Variants in WDR20 observed in about 807,000 individuals in gnomAD.
The protein encoded by WDR20 is WD repeat-containing protein 20.
WDR20 carries 3 observed loss-of-function variants against 38.7 expected under a neutral mutation model. The ratio of observed to expected loss-of-function variants is 0.08; its 90% confidence interval spans 0.04 to 0.20. The LOEUF (loss-of-function observed/expected upper bound fraction) is 0.20, where lower values mean the gene tolerates loss of function less well. WDR20 is among the 10% of genes least tolerant of loss of function. The pLI is 1.00. For synonymous variants in WDR20, 298 were observed against 285.6 expected (o/e 1.04, Z -0.44); for missense variants, 559 against 727.7 (o/e 0.77, Z 2.67).
intron 1 of WDR20, among the ~76,000 whole-genome samples, chr14:102,169,726 C>T (rs1335548006): frequency 6.6e-6 from 1 of 152,034 alleles, no homozygotes; most frequent in Non-Finnish European, 1.5e-5. Context: ...CAGGGTTTCA[C>T]CATGTTGGCC....
intron 2 of WDR20, among the ~76,000 whole-genome samples, chr14:102,202,230 G>A (rs764772674): frequency 9.2e-5 from 14 of 151,688 alleles, no homozygotes; most frequent in Non-Finnish European, 1.6e-4. Context: ...GCTTCCTCAA[G>A]TCTCAGAGGC....
At chr14:102,193,476 G>T (rs1401782932) in intron 1 of WDR20, 2 of 1,613,704 alleles carry the variant, frequency 1.2e-6, no homozygotes, top group African/African-American at 1.3e-5. Flanking sequence ...ATCCCATGAG[G>T]TTGGTAGAAC....
chr14:102,173,299 A>T (rs971900310), intron 1 of WDR20, among the ~76,000 whole-genome samples: 1 of 151,058 alleles, frequency 6.6e-6, no homozygotes, highest in Non-Finnish European at 1.5e-5. Context: ...TTTTTAGTAG[A>T]GATGAGGTCT....
chr14:102,155,220 G>A (rs551095856), intron 1 of WDR20, among the ~76,000 whole-genome samples: 4 of 152,104 alleles, frequency 2.6e-5, no homozygotes, highest in African/African-American at 9.6e-5. Flanking sequence ...GTTTTTTTAG[G>A]ATTAGTGAGA....
chr14:102,190,145 T>C (rs1248375765), intron 1 of WDR20, among the ~76,000 whole-genome samples: 3 of 151,856 alleles, frequency 2.0e-5, no homozygotes, highest in African/African-American at 7.3e-5. Flanking sequence ...CTCATGACCC[T>C]GAACTTCCTT....
intron 1 of WDR20, chr14:102,167,440 C>CT (rs1430201076): frequency 2.0e-5 from 3 of 152,238 alleles, no homozygotes; most frequent in Non-Finnish European, 4.4e-5. Flanking sequence ...AGGCTGGTCT[C>CT]TAATTCCTGG....
intron 1 of WDR20, among the ~76,000 whole-genome samples, chr14:102,174,088 T>A (rs1488459078): frequency 9.9e-5 from 15 of 151,980 alleles, no homozygotes; most frequent in Admixed American, 9.8e-4. Context: ...TCATCCAGGT[T>A]GCTTGGAATG....
chr14:102,184,754 T>C (rs2064194417), intron 1 of WDR20, among the ~76,000 whole-genome samples: 1 of 152,222 alleles, frequency 6.6e-6, no homozygotes, highest in Non-Finnish European at 1.5e-5. Context: ...ACGTCTTACA[T>C]CTTGCTATTT....
chr14:102,192,719 G>A (rs899779030), intron 1 of WDR20, among the ~76,000 whole-genome samples: 1 of 151,980 alleles, frequency 6.6e-6, no homozygotes, highest in African/African-American at 2.4e-5. Context: ...TTTATATTAG[G>A]CTATTTTCTC....
chr14:102,172,855 G>A (rs1305319214), intron 1 of WDR20, among the ~76,000 whole-genome samples: 1 of 149,274 alleles, frequency 6.7e-6, no homozygotes, highest in African/African-American at 2.4e-5. Context: ...CTTCTCAGAC[G>A]GGGCGGTTGC....
chr14:102,222,970 C>T lies in WDR20; in HGVS notation c.*87C>T, dbSNP rs965434501. ...GCTCCGAGCTGCGCCTGAGCCGTGC[C>T]AGCCGGCGGACCTCAGGCGGTGGAC... On this transcript the variant is annotated 3_prime_UTR_variant, in exon 4 of 4. Coordinates refer to the WDR20 transcript ENST00000335263. This position sits in a 1 kb window ranked among gnomAD's most constrained non-coding sequence, Gnocchi z 4.4. The T allele has an allele frequency of 1.9e-6, 3 of 1,548,548 alleles. 1 individual carries two copies. In the Admixed American group the frequency reaches 5.1e-5, roughly 26 times the overall value.
chr14:102,161,565 G>A (rs2058761100), intron 1 of WDR20, among the ~76,000 whole-genome samples: 1 of 152,010 alleles, frequency 6.6e-6, no homozygotes, highest in Non-Finnish European at 1.5e-5. Flanking sequence ...GCATACTTAG[G>A]AATGTTGTGG....
At chr14:102,212,195 C>T (rs1345746698), downstream of WDR20, among the ~76,000 whole-genome samples, 1 of 152,206 alleles carries the variant, frequency 6.6e-6, no homozygotes, top group Non-Finnish European at 1.5e-5. Context: ...CCCCCCACCT[C>T]CAGTTTTAAA....
rs111231447 is a variant in WDR20, at chr14:102,144,704, G to GT, written c.249+4543dup. Among the ~76,000 whole-genome samples, 561 of 143,452 alleles carry GT rather than the reference G, an allele frequency of 3.9e-3. 2 individuals are homozygous for GT. The highest frequency in any genetic ancestry group is 8.8e-3 in the East Asian group (43 of 4,874). 94.1% of individuals were successfully genotyped at this position (143,452 alleles called of 152,430 possible). On this transcript the variant is annotated intron_variant, in intron 1 of 2. Transcript: ENST00000342702. ...ACCCTATTACATGTTTTTTTGTTTT[G>GT]TTTTTTTTTTTGTTTTTGAGACAGA... is the stretch of plus-strand genomic sequence containing the variant.
At chr14:102,139,678 G>C (rs972165511), upstream of WDR20, 1 of 660,860 alleles carries the variant, frequency 1.5e-6, no homozygotes, top group Non-Finnish European at 2.5e-6. Flanking sequence ...CCGCCCGGAG[G>C]CCACACCCGG....
intron 2 of WDR20, among the ~76,000 whole-genome samples, chr14:102,200,082 C>T (rs983313726): frequency 1.4e-4 from 22 of 152,248 alleles, no homozygotes; most frequent in African/African-American, 5.3e-4. Flanking sequence ...CTGCCCTCTT[C>T]CCGCTCCCTG....
chr14:102,204,773 T>C (rs1303728878), intron 2 of WDR20, among the ~76,000 whole-genome samples: 1 of 152,272 alleles, frequency 6.6e-6, no homozygotes, highest in Non-Finnish European at 1.5e-5. Flanking sequence ...GAGTTTATCC[T>C]GTAGGTACAT....
intron 1 of WDR20, among the ~76,000 whole-genome samples, chr14:102,185,794 G>A (rs77672660): frequency 0.046 from 6,699 of 146,686 alleles, 176 homozygotes; most frequent in Middle Eastern, 0.069. Flanking sequence ...CCAGCTGGGC[G>A]ACAGAGCGAG....
At position 102,222,012 on chromosome 14, in the gene WDR20, TGCTGTGTA is replaced by T. The variant is rs1345463559; in HGVS notation, c.1693-816_1693-809del. Among the ~76,000 whole-genome samples, 1 of 152,214 alleles carries T rather than the reference TGCTGTGTA, an allele frequency of 6.6e-6. No homozygotes were observed. Among genetic ancestry groups the T allele is most frequent in the African/African-American group, 2.4e-5 (1 of 41,446 alleles). ...AATGCAAAGAAATGGAAGTACTCTTTGCTGTGTAGGAGGTTAAACCCTCTTAGGTTTAC... is the reference window on the plus strand; with the variant it reads ...AATGCAAAGAAATGGAAGTACTCTTTGGAGGTTAAACCCTCTTAGGTTTAC... On this transcript the variant is annotated intron_variant, in intron 3 of 3. Transcript: ENST00000335263. This position sits in a 1 kb window ranked among gnomAD's most constrained non-coding sequence, Gnocchi z 4.4.
Sources: gnomAD v4.1 joint callset for allele counts (sites outside exome capture counted in the v4.1 genomes callset) on GRCh38, gnomAD v4.1.1 for gene constraint, Gnocchi (gnomAD v3.1) non-coding constraint, MANE v1.5 for transcripts, NCBI Gene and HGNC (gene_info 2026-07-23, HGNC 2026-07-21) for gene names.